Variants in SETDB1 observed in about 807,000 individuals in gnomAD.
SETDB1 encodes the protein histone-lysine N-methyltransferase SETDB1.
In SETDB1, 31 loss-of-function variants were observed where a neutral mutation model predicts 137.4. The observed-to-expected ratio is 0.23, with a 90% CI of 0.17 to 0.30. SETDB1 has a LOEUF of 0.30. Among genes scored for constraint, SETDB1 ranks in the 10% least tolerant of loss-of-function variants. The pLI, the probability that SETDB1 is intolerant of heterozygous loss-of-function variation, is 1.00. For synonymous variants in SETDB1, 548 were observed against 579.9 expected (o/e 0.95, Z 0.79); for missense variants, 1,113 against 1,631.5 (o/e 0.68, Z 5.47).
rs140518796 is a variant in SETDB1 at position 150,947,364 on chromosome 1, AC to A, written c.1267+355del. Among the ~76,000 whole-genome samples the A allele has an allele frequency of 5.5e-3, 837 of 151,190 alleles. 6 individuals carry two copies. Among genetic ancestry groups the A allele is most frequent in the Non-Finnish European group, 0.011 (723 of 67,780 alleles). ...AAATAGACCCGGGGCTTGATATGTT[AC>A]CCAGGCTGGTCTTGAACTCCTGGGC... On this transcript the variant is annotated intron_variant, in intron 10 of 21. Transcript: ENST00000692827.
chr1:150,946,753 C>T, intron 9 of SETDB1, 133 bp from the exon 10 acceptor site: 1 of 1,044,222 alleles, frequency 9.6e-7, no homozygotes, highest in East Asian at 2.5e-5. Context: ...CTGTGCTTAG[C>T]TTAGACTAAG....
chr1:150,930,250 C>A, intron 3 of SETDB1, 132 bp downstream of exon 3: 1 of 754,102 alleles, frequency 1.3e-6, no homozygotes, highest in African/African-American at 1.7e-5. Flanking sequence ...CCTGAGTTGG[C>A]TATTAAAGAA....
Position 150,946,045 on chromosome 1 carries a change from A to T in SETDB1, c.1141-841A>T, listed in dbSNP as rs587612660. Among the ~76,000 whole-genome samples, 10 of 151,530 alleles carry T rather than the reference A, an allele frequency of 6.6e-5. No homozygotes were observed. In the South Asian group the frequency reaches 2.1e-3, roughly 32 times the overall value. Reference sequence around the variant, plus strand: ...TTTGTTTTGTTTTGTTTTTTGAGACAGTCTCACTCTGCCACCCAGGCTGGA... The same window carrying T: ...TTTGTTTTGTTTTGTTTTTTGAGACTGTCTCACTCTGCCACCCAGGCTGGA... On this transcript the variant is annotated intron_variant, in intron 9 of 21. Coordinates refer to ENST00000692827, the MANE Select transcript of SETDB1 (RefSeq NM_001366418.1).
intron 16 of SETDB1, chr1:150,961,581 G>A: frequency 4.2e-6 from 1 of 237,454 alleles, no homozygotes; most frequent in South Asian, 4.8e-5. Context: ...CTTGAACCTG[G>A]AGGGTGGAGG....
intron 1 of SETDB1, 144 bp downstream of exon 1, chr1:150,926,661 A>AC (rs1669530467): frequency 4.0e-6 from 2 of 500,574 alleles, no homozygotes; most frequent in Non-Finnish European, 8.2e-6. Flanking sequence ...GCGAATGGGT[A>AC]GGACGCACCC....
chr1:150,960,830 G>A lies in SETDB1; in HGVS notation c.2771G>A (p.Arg924Gln), dbSNP rs1197495767. 5 of 1,604,324 alleles carry A rather than the reference G, an allele frequency of 3.1e-6. No homozygotes were observed. The highest frequency in any genetic ancestry group is 4.3e-6 in the Non-Finnish European group (5 of 1,175,454). The change falls in exon 16 of 22, where the codon CGG becomes CAG. Residue 924 changes from arginine to glutamine, a missense_variant. Arg to Gln is a conservative substitution (Grantham distance 43). This residue lies in a region of SETDB1 where 373 missense variants were observed against 412.7 expected (regional missense o/e 0.90). Coordinates refer to ENST00000692827, the MANE Select transcript of SETDB1 (RefSeq NM_001366418.1). ...DEDFSTSSVW[R>Q]SYATRRQTRG... Reference sequence around the variant, plus strand: ...GACTTCAGCACCAGTTCAGTGTGGCGGAGCTATGCTACCCGGAGGCAGACC... The same window carrying A: ...GACTTCAGCACCAGTTCAGTGTGGCAGAGCTATGCTACCCGGAGGCAGACC...
chr1:150,949,586 A>C, intron 12 of SETDB1, 61 bp downstream of exon 12: 2 of 1,508,032 alleles, frequency 1.3e-6, no homozygotes, highest in Non-Finnish European at 1.8e-6. Context: ...GTGTAGGGGA[A>C]GGTTCCTTGG....
chr1:150,959,142 C>G (rs1225048106), intron 14 of SETDB1, 36 bp from the exon 15 acceptor site: 1 of 1,471,304 alleles, frequency 6.8e-7, no homozygotes. Context: ...CTCTAGTGAT[C>G]ATACCGTGAT....
At chr1:150,940,747 C>T (rs1436523571) in intron 4 of SETDB1, among the ~76,000 whole-genome samples, 1 of 152,094 alleles carries the variant, frequency 6.6e-6, no homozygotes, top group African/African-American at 2.4e-5. Context: ...CGCCTGTAAT[C>T]CCAGGACTTT....
At chr1:150,941,243 G>A in intron 4 of SETDB1, 86 bp from the exon 5 acceptor site, 5 of 728,896 alleles carry the variant, frequency 6.9e-6, no homozygotes, top group Non-Finnish European at 1.2e-5. Context: ...TTTGTTTTGT[G>A]AAATACAAGT....
At chr1:150,951,167 T>C in intron 13 of SETDB1, 77 bp downstream of exon 13, 1 of 1,457,410 alleles carries the variant, frequency 6.9e-7, no homozygotes, top group Non-Finnish European at 9.4e-7. Flanking sequence ...CTTTGCCTTG[T>C]ATCTGTACTG....
In SETDB1 at chr1:150,943,923, T is replaced by C; in HGVS notation, c.879T>C (p.Phe293=). 6.2e-7 allele frequency: 1 copy of C among 1,605,434 alleles called. No individual in the cohort carries two copies. Among genetic ancestry groups the C allele is most frequent in the Non-Finnish European group, 8.5e-7 (1 of 1,172,260 alleles). The change falls in exon 8 of 22, where the codon TTT becomes TTC. Residue 293 remains phenylalanine (F), a synonymous_variant. Transcript: ENST00000692827. The part of the protein sequence containing the change: ...ETPNVKNKLR[F]LIFFDDGYAS... Reference sequence around the variant, plus strand: ...TGCTGTCACTCTTCTTTTATAGGTTTCTCATTTTCTTTGATGATGGCTATG... The same window carrying C: ...TGCTGTCACTCTTCTTTTATAGGTTCCTCATTTTCTTTGATGATGGCTATG...
Position 150,941,409 on chromosome 1 carries a change from T to C in SETDB1, c.528T>C (p.Ser176=). The change falls in exon 5 of 22, where the codon AGT becomes AGC. Residue 176 remains serine (S), a synonymous_variant. Transcript: ENST00000692827. ...TGGATGCTGTCAACAAGAAGAGCAG[T>C]TCCCAGGATCTGCATAAAGGTTAGG... ...KFMDAVNKKS[S]SQDLHKGTLS... is the part of the protein sequence containing the mutation. The C allele has an allele frequency of 6.2e-7, 1 of 1,608,752 alleles. No individual in the cohort carries two copies. The highest frequency in any genetic ancestry group is 8.5e-7 in the Non-Finnish European group (1 of 1,175,120).
chr1:150,947,055 A>T, intron 10 of SETDB1, 43 bp downstream of exon 10: 1 of 1,611,012 alleles, frequency 6.2e-7, no homozygotes, highest in Non-Finnish European at 8.5e-7. Context: ...AAACAGGCCA[A>T]CCAGCAAAGG....
intron 12 of SETDB1, 22 bp downstream of exon 12, chr1:150,949,547 T>G: frequency 6.2e-7 from 1 of 1,611,966 alleles, no homozygotes; most frequent in Non-Finnish European, 8.5e-7. Context: ...TGAGGCTCTC[T>G]GTAGGCAGGA....
intron 2 of SETDB1, among the ~76,000 whole-genome samples, chr1:150,928,462 A>G (rs968189359): frequency 2.6e-5 from 4 of 152,134 alleles, no homozygotes; most frequent in African/African-American, 9.7e-5. Flanking sequence ...CCTGTGCTCT[A>G]TCTTAGAACA....
intron 3 of SETDB1, among the ~76,000 whole-genome samples, chr1:150,938,678 A>C (rs756675511): frequency 1.1e-4 from 16 of 151,530 alleles, no homozygotes; most frequent in Non-Finnish European, 1.2e-4. Flanking sequence ...TAATTTTTGT[A>C]TTTTTAGTAG....
rs1251227543 is a variant in SETDB1 at position 150,950,944 on chromosome 1, T to A, written c.2070T>A (p.Val690=). The A allele has an allele frequency of 6.2e-6, 10 of 1,613,966 alleles. No homozygotes were observed. The Admixed American group carries it at 1.7e-4, about 27-fold the overall frequency. Residue 690 remains valine (V), a synonymous_variant, in exon 13 of 22, where the codon GTT becomes GTA. Transcript: ENST00000692827. ...ACATCACTTATGGGAAGGAAGATGT[T>A]CCCCTATCCTGTGTCAATGAGATTG... The part of the protein sequence containing the change: ...ILDITYGKED[V]PLSCVNEIDT...
At chr1:150,934,193 C>A (rs1669873105) in intron 3 of SETDB1, among the ~76,000 whole-genome samples, 1 of 152,094 alleles carries the variant, frequency 6.6e-6, no homozygotes. Flanking sequence ...GCCATTTTGG[C>A]TGGGCGCGGT....
Sources: gnomAD v4.1 joint callset for allele counts (sites outside exome capture counted in the v4.1 genomes callset) on GRCh38, gnomAD v4.1.1 for gene constraint, gnomAD v4.1.1 regional missense constraint, MANE v1.5 for transcripts, NCBI Gene and HGNC (gene_info 2026-07-23, HGNC 2026-07-21) for gene names.